The following DRAM1 variants were observed in gnomAD, a reference collection of about 807,000 sequenced individuals.
DRAM1 encodes the protein DNA damage-regulated autophagy modulator protein 1.
DRAM1 carries 25 observed loss-of-function variants against 28.5 expected under a neutral mutation model. That is an observed-to-expected ratio of 0.88 (90% CI 0.64 to 1.23). The LOEUF (loss-of-function observed/expected upper bound fraction) is 1.23, where lower values mean the gene tolerates loss of function less well. Ranked by LOEUF, DRAM1 falls within the 50% of genes most tolerant of loss-of-function variation. The pLI, the probability that DRAM1 is intolerant of heterozygous loss-of-function variation, is 0.00. For synonymous variants in DRAM1, 113 were observed against 114.2 expected, an observed-to-expected ratio of 0.99 and a Z score of 0.07; for missense variants, 249 against 299.2, an observed-to-expected ratio of 0.83 and a Z score of 1.24.
chr12:101,900,051 A>G (rs1489487795), intron 2 of DRAM1, among the ~76,000 whole-genome samples: 1 of 152,246 alleles, frequency 6.6e-6, no homozygotes, highest in Non-Finnish European at 1.5e-5. Context: ...ACTATATGAT[A>G]GGGTTTGTGC....
rs1873602350 is a variant in DRAM1 at position 101,901,447 on chromosome 12, C to G, written c.342+14C>G. The G allele has an allele frequency of 6.2e-7, 1 of 1,612,810 alleles. No homozygotes were observed. The highest frequency in any genetic ancestry group is 1.7e-5 in the Admixed American group (1 of 59,828). ...GCCAATTTTCAGGTATAATCTGGAG[C>G]TTTTTCAGTTATGAGGAGTGGTGGA... On this transcript the variant is annotated intron_variant, in intron 3 of 6. Coordinates refer to ENST00000258534, the MANE Select transcript of DRAM1 (RefSeq NM_018370.3).
chr12:101,909,694 ACT>A (rs2121140173), intron 4 of DRAM1, among the ~76,000 whole-genome samples: 1 of 152,248 alleles, frequency 6.6e-6, no homozygotes, highest in East Asian at 1.9e-4. Context: ...TTATTTTCTA[ACT>A]CAGCAATCTG....
chr12:101,902,440 A>G (rs992964875), intron 3 of DRAM1, among the ~76,000 whole-genome samples: 2 of 152,182 alleles, frequency 1.3e-5, no homozygotes, highest in Non-Finnish European at 2.9e-5. Flanking sequence ...ATCTGTGACA[A>G]AAAAACCAAG....
chr12:101,879,551 G>C (rs1872616035), intron 1 of DRAM1, among the ~76,000 whole-genome samples: 1 of 152,200 alleles, frequency 6.6e-6, no homozygotes, highest in Non-Finnish European at 1.5e-5. Flanking sequence ...AGAGTGTTGG[G>C]ATTACAGGCG....
chr12:101,920,561 T>G (rs545423323), intron 6 of DRAM1, among the ~76,000 whole-genome samples: 1 of 152,308 alleles, frequency 6.6e-6, no homozygotes, highest in African/African-American at 2.4e-5. Context: ...GGTTGTTTTC[T>G]TTTAGGAGGT....
At chr12:101,904,733 G>T (rs1048597099) in intron 3 of DRAM1, among the ~76,000 whole-genome samples, 1 of 151,894 alleles carries the variant, frequency 6.6e-6, no homozygotes. Context: ...GAGCCACCGC[G>T]CCTGGCTGAT....
chr12:101,915,795 C>T (rs769748855), intron 5 of DRAM1, among the ~76,000 whole-genome samples: 4 of 152,022 alleles, frequency 2.6e-5, no homozygotes, highest in African/African-American at 7.3e-5. Flanking sequence ...CTCTGCACCT[C>T]GTGATCTGCC....
chr12:101,893,923 T>TA (rs68087095), intron 1 of DRAM1, among the ~76,000 whole-genome samples: 27 of 108,654 alleles, frequency 2.5e-4, no homozygotes, highest in African/African-American at 8.8e-4. Context: ...TGTTTTTTTT[T>TA]AAAATTAATT....
intron 5 of DRAM1, among the ~76,000 whole-genome samples, chr12:101,918,565 C>G (rs1002728574): frequency 3.3e-5 from 5 of 152,172 alleles, no homozygotes; most frequent in African/African-American, 1.2e-4. Context: ...CTTGGTGTGC[C>G]TCCACTCGAT....
In DRAM1 at chr12:101,877,864, C is replaced by A. The variant is rs1462415126; in HGVS notation, c.75C>A (p.Ile25=). The stretch of plus-strand genomic sequence containing the variant: ...CCTGGTCGTCAGCCGCCTTCATTAT[C>A]TCCTACGTGGTCGCCGTGCTCTCCG... ...LVTWSSAAFI[I]SYVVAVLSGH... is the part of the protein sequence containing the mutation. Residue 25 remains isoleucine (I), a synonymous_variant, in exon 1 of 7, where the codon ATC becomes ATA. Transcript: ENST00000258534. The surrounding 1 kb of genome is among the most constrained non-coding windows in gnomAD (Gnocchi z 4.1). 1 of 1,547,198 alleles carries A rather than the reference C, an allele frequency of 6.5e-7. No individual in the cohort carries two copies. Among genetic ancestry groups the A allele is most frequent in the South Asian group, 1.2e-5 (1 of 83,566 alleles).
chr12:101,892,980 G>A (rs1451326936), intron 1 of DRAM1, among the ~76,000 whole-genome samples: 1 of 152,228 alleles, frequency 6.6e-6, no homozygotes. Context: ...GTATTGTACT[G>A]TTGCAGTGCA....
intron 1 of DRAM1, among the ~76,000 whole-genome samples, chr12:101,884,369 C>CAA (rs777858309): frequency 0.6 from 46,707 of 77,548 alleles, 13,105 homozygotes; most frequent in East Asian, 0.87. Flanking sequence ...TACCCTGTCT[C>CAA]AAAAAAAAAA....
intron 6 of DRAM1, 26 bp from the exon 7 acceptor site, chr12:101,921,190 C>T (rs1874467940): frequency 1.3e-6 from 2 of 1,538,622 alleles, no homozygotes; most frequent in Non-Finnish European, 1.8e-6. Flanking sequence ...TTCTTTTAAA[C>T]CTTTCTCTTT....
At chr12:101,913,497 GGAGT>G (rs1282455347) in intron 4 of DRAM1, among the ~76,000 whole-genome samples, 19 of 152,100 alleles carry the variant, frequency 1.2e-4, no homozygotes, top group African/African-American at 4.6e-4. Context: ...CCTGAGGTCA[GGAGT>G]TCAAGACCAG....
chr12:101,915,886 TAGAA>T (rs1039100309), intron 5 of DRAM1, among the ~76,000 whole-genome samples: 1 of 151,858 alleles, frequency 6.6e-6, no homozygotes, highest in Non-Finnish European at 1.5e-5. Context: ...GTAAAGCAAA[TAGAA>T]AGAGTATTAT....
chr12:101,905,685 G>A (rs990055784), intron 3 of DRAM1, among the ~76,000 whole-genome samples: 1 of 152,038 alleles, frequency 6.6e-6, no homozygotes, highest in Admixed American at 6.6e-5. Context: ...GGTCTCCCAA[G>A]CTCAAGTGAT....
At chr12:101,894,541 C>T (rs1254678253) in intron 1 of DRAM1, among the ~76,000 whole-genome samples, 4 of 152,134 alleles carry the variant, frequency 2.6e-5, no homozygotes, top group Non-Finnish European at 4.4e-5. Flanking sequence ...TGTGAGCTAC[C>T]GTGCCTGGCC....
intron 1 of DRAM1, among the ~76,000 whole-genome samples, chr12:101,897,251 A>G (rs1873413254): frequency 6.7e-6 from 1 of 149,626 alleles, no homozygotes. Context: ...CCAGGCTCGA[A>G]TGCAGTGGCA....
intron 1 of DRAM1, among the ~76,000 whole-genome samples, chr12:101,896,568 A>AGCCTGGGTAACATAGCAAAACCC (rs1873381314): frequency 1.3e-5 from 2 of 152,180 alleles, no homozygotes; most frequent in Non-Finnish European, 2.9e-5. Context: ...CTTCAAAACC[A>AGCCTGGGTAACATAGCAAAACCC]GCCTGGGTAA....
Sources: gnomAD v4.1 joint callset for allele counts (sites outside exome capture counted in the v4.1 genomes callset) on GRCh38, gnomAD v4.1.1 for gene constraint, Gnocchi (gnomAD v3.1) non-coding constraint, MANE v1.5 for transcripts, NCBI Gene and HGNC (gene_info 2026-07-23, HGNC 2026-07-21) for gene names.